KATNAL2: variants seen among roughly 807,000 people sequenced by gnomAD.
KATNAL2 encodes the protein katanin catalytic subunit A1 like 2, also known as katanin p60 ATPase-containing subunit A-like 2.
A neutral mutation model predicts 76.3 loss-of-function variants in KATNAL2; 52 were observed. That is an observed-to-expected ratio of 0.68 (90% CI 0.55 to 0.86). The LOEUF (loss-of-function observed/expected upper bound fraction) is 0.86. Among genes scored for constraint, KATNAL2 ranks in the 40% least tolerant of loss-of-function variants. KATNAL2 has a pLI of 0.00. For missense variants in KATNAL2, 660 were observed against 668.9 expected (o/e 0.99, Z 0.15); for synonymous variants, 243 against 244.2 (o/e 1.00, Z 0.05).
chr18:46,960,412 C>G (rs939622246), intron 3 of KATNAL2, among the ~76,000 whole-genome samples: 1 of 141,206 alleles, frequency 7.1e-6, no homozygotes, highest in African/African-American at 2.7e-5. Flanking sequence ...CCTGGGCAAC[C>G]CAAGAGCGAA....
intron 5 of KATNAL2, 45 bp from the exon 6 acceptor site, chr18:47,054,351 T>C (rs376465705): frequency 6.5e-6 from 10 of 1,548,830 alleles, no homozygotes; most frequent in Non-Finnish European, 8.9e-6. Flanking sequence ...ACTTTGTCAC[T>C]CTTAAAATTA....
intron 11 of KATNAL2, among the ~76,000 whole-genome samples, chr18:47,068,946 G>C (rs1041765020): frequency 1.3e-5 from 2 of 152,210 alleles, no homozygotes; most frequent in African/African-American, 4.8e-5. Flanking sequence ...TTAACGGAGA[G>C]GAAGAAATAC....
chr18:47,034,489 C>T, intron 3 of KATNAL2: 3 of 1,614,180 alleles, frequency 1.9e-6, no homozygotes, highest in Non-Finnish European at 2.5e-6. Context: ...GGTTTCCTCT[C>T]TTAAGCAGGC....
intron 3 of KATNAL2, among the ~76,000 whole-genome samples, chr18:47,044,405 G>A (rs866838354): frequency 3.3e-5 from 5 of 152,082 alleles, no homozygotes; most frequent in Admixed American, 2.0e-4. Context: ...GATGGATGGT[G>A]GTGATGGTTG....
chr18:47,044,069 G>T (rs540809448), intron 3 of KATNAL2, among the ~76,000 whole-genome samples: 110 of 152,254 alleles, frequency 7.2e-4, no homozygotes, highest in African/African-American at 2.6e-3. Flanking sequence ...CATATCAGAA[G>T]AAACAGCTAA....
chr18:47,035,362 G>A (rs1344715806), intron 3 of KATNAL2: 1 of 1,580,288 alleles, frequency 6.3e-7, no homozygotes, highest in East Asian at 2.3e-5. Flanking sequence ...CTCGCTGCCC[G>A]GTCGCCAGGC....
chr18:46,926,858 T>C (rs1407720369), intron 1 of KATNAL2, among the ~76,000 whole-genome samples: 1 of 152,192 alleles, frequency 6.6e-6, no homozygotes, highest in Non-Finnish European at 1.5e-5. Context: ...TTTGTCTCTT[T>C]TGATCTTTGT....
chr18:46,933,193 G>T (rs1395208780), intron 1 of KATNAL2, among the ~76,000 whole-genome samples: 1 of 151,902 alleles, frequency 6.6e-6, no homozygotes, highest in African/African-American at 2.4e-5. Flanking sequence ...CAACAAAAAA[G>T]CTGGATTAAA....
intron 3 of KATNAL2, chr18:46,962,929 AG>A (rs1439794505): frequency 6.1e-6 from 3 of 491,168 alleles, no homozygotes; most frequent in Non-Finnish European, 5.8e-6. Flanking sequence ...CCGAGGCCGG[AG>A]GGAGCCTGGC....
In KATNAL2 at chr18:47,067,129, G is replaced by A; in HGVS notation, c.825+10G>A. 1.4e-6 allele frequency: 2 copies of A among 1,460,384 alleles called. No individual in the cohort carries two copies. The highest frequency in any genetic ancestry group is 1.3e-5 in the South Asian group (1 of 77,546). The allele number at this position is 1,460,384 out of a possible 1,614,324, so 90.5% of individuals were successfully genotyped here. On this transcript the variant is annotated intron_variant, in intron 11 of 17. Coordinates refer to ENST00000683218, the MANE Select transcript of KATNAL2 (RefSeq NM_001387690.1). ...TGTGTATCCTATAAGGGTAAGGACGGGAAGCCTCTTGGGGGTTATTTCTGT... is the reference window on the plus strand; with the variant it reads ...TGTGTATCCTATAAGGGTAAGGACGAGAAGCCTCTTGGGGGTTATTTCTGT...
intron 3 of KATNAL2, chr18:47,033,898 C>CT: frequency 6.2e-7 from 1 of 1,613,486 alleles, no homozygotes; most frequent in Non-Finnish European, 8.5e-7. Flanking sequence ...GAAGACATGG[C>CT]TGGGCACCGT....
intron 3 of KATNAL2, among the ~76,000 whole-genome samples, chr18:46,955,119 T>C (rs1227473288): frequency 8.0e-6 from 1 of 125,426 alleles, no homozygotes; most frequent in African/African-American, 3.1e-5. Context: ...TCCTTCCTTT[T>C]GTCTTTCTTT....
At chr18:47,098,813 T>C (rs1025572620) in intron 15 of KATNAL2, 4 of 162,416 alleles carry the variant, frequency 2.5e-5, no homozygotes, top group African/African-American at 9.6e-5. Context: ...CCCAACTTAT[T>C]GTCAGCAATA....
At chr18:47,046,548 T>G in intron 4 of KATNAL2, 21 bp downstream of exon 4, 1 of 1,448,474 alleles carries the variant, frequency 6.9e-7, no homozygotes, top group Non-Finnish European at 9.4e-7. Flanking sequence ...GTACAAACAT[T>G]TATAGAGATG....
At chr18:47,061,909 G>A (rs142290241) in intron 8 of KATNAL2, among the ~76,000 whole-genome samples, 1 of 151,874 alleles carries the variant, frequency 6.6e-6, no homozygotes, top group Non-Finnish European at 1.5e-5. Flanking sequence ...CTACCTCTAG[G>A]GGGGACAGGG....
chr18:46,928,945 G>A (rs948920925), intron 1 of KATNAL2, among the ~76,000 whole-genome samples: 8 of 151,882 alleles, frequency 5.3e-5, no homozygotes, highest in Admixed American at 1.3e-4. Flanking sequence ...ACAGGCATGC[G>A]CCACCACGCC....
intron 16 of KATNAL2, among the ~76,000 whole-genome samples, chr18:47,099,646 T>C (rs557792057): frequency 7.9e-5 from 12 of 152,200 alleles, no homozygotes; most frequent in Non-Finnish European, 1.8e-4. Flanking sequence ...AGAGAACCTA[T>C]GGTCAAATCC....
chr18:46,965,581 G>GCCCCCCCCCCCCCC (rs2510018), intron 3 of KATNAL2, among the ~76,000 whole-genome samples: 13 of 73,872 alleles, frequency 1.8e-4, no homozygotes, highest in Admixed American at 3.5e-4. Flanking sequence ...TAGCATCCCC[G>GCCCCCCCCCCCCCC]CCCCCCCCCC....
intron 3 of KATNAL2, chr18:47,034,302 G>A (rs773529308): frequency 3.7e-6 from 6 of 1,613,258 alleles, no homozygotes; most frequent in African/African-American, 1.3e-5. Context: ...GGTCCCGGCC[G>A]TCTAGACTGG....
Sources: allele counts gnomAD v4.1 joint callset (sites outside exome capture counted in the v4.1 genomes callset), GRCh38; gene constraint gnomAD v4.1.1; transcripts MANE v1.5; gene names NCBI Gene and HGNC (gene_info 2026-07-23, HGNC 2026-07-21).